The following SLC35F2 variants were observed in gnomAD, a reference collection of about 807,000 sequenced individuals.
SLC35F2 encodes queuine/queuosine transporter SLC35F2.
Under a neutral mutation model 38.1 loss-of-function variants are expected in SLC35F2, and 25 were observed. The ratio of observed to expected loss-of-function variants is 0.66; its 90% CI spans 0.48 to 0.92. SLC35F2 has a LOEUF of 0.92. Ranked by LOEUF, SLC35F2 falls within the 40% of genes least tolerant of loss-of-function variation. SLC35F2 has a pLI of 0.00. For missense variants in SLC35F2, 409 were observed against 452.9 expected, an observed-to-expected ratio of 0.90 and a Z score of 0.88; for synonymous variants, 173 against 181.7, an observed-to-expected ratio of 0.95 and a Z score of 0.38.
rs1859155269 is a variant in SLC35F2 at position 107,792,894 on chromosome 11, T to A, written c.940-94A>T. On this transcript the variant is annotated intron_variant, in intron 7 of 7. Coordinates refer to ENST00000525815, the MANE Select transcript of SLC35F2 (RefSeq NM_017515.5). Reference sequence around the variant, plus strand: ...CTGTGCTTCGAGGATTACCCTCTCATAATCTTTTTATTTTCTTTCTTTCTT... The same window carrying A: ...CTGTGCTTCGAGGATTACCCTCTCAAAATCTTTTTATTTTCTTTCTTTCTT... 6 of 1,376,372 alleles carry A rather than the reference T, an allele frequency of 4.4e-6. No individual in the cohort carries two copies. In the South Asian group the frequency reaches 1.1e-4, roughly 25 times the overall value. 85.3% of individuals were successfully genotyped at this position (1,376,372 alleles called of 1,614,324 possible).
At chr11:107,799,084 C>G (rs1859265793) in intron 7 of SLC35F2, among the ~76,000 whole-genome samples, 2 of 152,096 alleles carry the variant, frequency 1.3e-5, no homozygotes, top group African/African-American at 4.8e-5. Context: ...GCAAACAAAA[C>G]AAACTACTTC....
intron 3 of SLC35F2, chr11:107,810,176 T>C: frequency 1.0e-6 from 1 of 985,476 alleles, no homozygotes; most frequent in Non-Finnish European, 1.2e-6. Context: ...AAACATTACC[T>C]TGTTAGATGC....
At position 107,855,618 on chromosome 11, in the gene SLC35F2, C is replaced by CTCCA. The variant is rs1555088245; in HGVS notation, c.110+3036_110+3039dup. Among the ~76,000 whole-genome samples, 1,171 of 151,596 alleles carry CTCCA rather than the reference C, an allele frequency of 7.7e-3. 13 individuals carry two copies. Among genetic ancestry groups the CTCCA allele is most frequent in the African/African-American group, 0.027 (1,118 of 41,260 alleles). On this transcript the variant is annotated intron_variant, in intron 1 of 7. Transcript: ENST00000525815. Reference sequence around the variant, plus strand: ...GGTGAGCCGAGATCGCGCCATTGAACTCCAGCCTGGGCAACAACAGTGAAA... The same window carrying CTCCA: ...GGTGAGCCGAGATCGCGCCATTGAACTCCATCCAGCCTGGGCAACAACAGTGAAA...
At chr11:107,828,002 T>A (rs1859782408) in intron 1 of SLC35F2, among the ~76,000 whole-genome samples, 1 of 152,144 alleles carries the variant, frequency 6.6e-6, no homozygotes, top group African/African-American at 2.4e-5. Flanking sequence ...GGCAGGAAAT[T>A]TACAAAATAA....
Position 107,858,783 on chromosome 11 carries a change from T to TC in SLC35F2, c.-17dup. ...CTGCCTCCATCGGCGCCCTTGCGCG[T>TC]CTCCGGCGCCCAAAACCCCCGAAGT... On this transcript the variant is annotated 5_prime_UTR_variant, in exon 1 of 8. Transcript: ENST00000525815. 5 of 1,252,220 alleles carry TC rather than the reference T, an allele frequency of 4.0e-6. No homozygotes were observed. The highest frequency in any genetic ancestry group is 5.0e-6 in the Non-Finnish European group (5 of 990,512). 77.6% of individuals were successfully genotyped at this position (1,252,220 alleles called of 1,614,324 possible). A position where few individuals can be genotyped will look rare whatever the true frequency, so the allele number is the denominator to read the frequency against.
intron 5 of SLC35F2, chr11:107,805,069 G>A (rs1044262289): frequency 1.1e-5 from 11 of 985,070 alleles, no homozygotes; most frequent in Non-Finnish European, 1.3e-5. Context: ...AATATTTTCT[G>A]GAAATAACTA....
At chr11:107,823,176 T>G (rs944999077) in intron 1 of SLC35F2, 1 of 985,232 alleles carries the variant, frequency 1.0e-6, no homozygotes, top group African/African-American at 1.7e-5. Context: ...GAGGGTAGAT[T>G]CCAAGTATCA....
intron 2 of SLC35F2, among the ~76,000 whole-genome samples, chr11:107,813,342 G>C (rs1859512976): frequency 6.6e-6 from 1 of 152,080 alleles, no homozygotes; most frequent in Non-Finnish European, 1.5e-5. Flanking sequence ...CTACTAGGGA[G>C]GCTGAGGCAA....
At chr11:107,806,017 AG>A (rs1859384694) in intron 4 of SLC35F2, among the ~76,000 whole-genome samples, 1 of 152,180 alleles carries the variant, frequency 6.6e-6, no homozygotes, top group Non-Finnish European at 1.5e-5. Context: ...TCCTGACCTC[AG>A]GTGATCCACC....
chr11:107,801,911 T>A (rs1205377606), intron 7 of SLC35F2, among the ~76,000 whole-genome samples: 2 of 152,118 alleles, frequency 1.3e-5, no homozygotes, highest in African/African-American at 2.4e-5. Flanking sequence ...GAGCTACACA[T>A]CACCTCCCTG....
chr11:107,843,866 A>ATAT (rs1860057255), intron 1 of SLC35F2, among the ~76,000 whole-genome samples: 6 of 38,464 alleles, frequency 1.6e-4, no homozygotes, highest in South Asian at 1.1e-3. Flanking sequence ...AAAAAAAAAA[A>ATAT]AAATATATAT....
intron 1 of SLC35F2, among the ~76,000 whole-genome samples, chr11:107,851,127 G>A (rs1860177100): frequency 6.6e-6 from 1 of 152,048 alleles, no homozygotes; most frequent in Non-Finnish European, 1.5e-5. Flanking sequence ...GCCGGGAGTG[G>A]TGGCACGTGC....
chr11:107,806,951 G>A (rs1859402322), intron 3 of SLC35F2, 75 bp from the exon 4 acceptor site: 1 of 1,364,932 alleles, frequency 7.3e-7, no homozygotes, highest in African/African-American at 1.4e-5. Context: ...GAAATAATAG[G>A]AGTCAGTATT....
intron 3 of SLC35F2, chr11:107,809,860 A>G: frequency 2.9e-5 from 29 of 985,390 alleles, no homozygotes; most frequent in Non-Finnish European, 3.4e-5. Flanking sequence ...GGCTTCAAAA[A>G]GGACTGCATT....
At chr11:107,850,769 C>CA (rs1247837952) in intron 1 of SLC35F2, among the ~76,000 whole-genome samples, 1 of 148,238 alleles carries the variant, frequency 6.7e-6, no homozygotes, top group Non-Finnish European at 1.5e-5. Flanking sequence ...TGCAGTGACC[C>CA]AAAATCATGC....
chr11:107,798,504 A>AT (rs1475736753), intron 7 of SLC35F2, among the ~76,000 whole-genome samples: 5 of 152,238 alleles, frequency 3.3e-5, no homozygotes, highest in Non-Finnish European at 5.9e-5. Context: ...AGAGACTAAT[A>AT]AAGAGATTAA....
chr11:107,818,697 GT>G (rs71470863), intron 1 of SLC35F2, among the ~76,000 whole-genome samples: 12,436 of 152,204 alleles, frequency 0.082, 580 homozygotes, highest in African/African-American at 0.13. Flanking sequence ...GTACTGTATA[GT>G]ACTCTACCAC....
chr11:107,821,167 A>G (rs1859664977), intron 1 of SLC35F2, among the ~76,000 whole-genome samples: 1 of 152,200 alleles, frequency 6.6e-6, no homozygotes, highest in Non-Finnish European at 1.5e-5. Context: ...ACATCTCATA[A>G]TGGACTTGAA....
At chr11:107,846,030 T>C (rs1007184938) in intron 1 of SLC35F2, among the ~76,000 whole-genome samples, 1 of 151,936 alleles carries the variant, frequency 6.6e-6, no homozygotes, top group Middle Eastern at 3.4e-3. Context: ...CAGCTCAAAA[T>C]CTCTGGATTC....
Sources: allele counts gnomAD v4.1 joint callset (sites outside exome capture counted in the v4.1 genomes callset), GRCh38; gene constraint gnomAD v4.1.1; transcripts MANE v1.5; gene names NCBI Gene and HGNC (gene_info 2026-07-23, HGNC 2026-07-21).